BTG3: variants seen among roughly 807,000 people sequenced by gnomAD.
BTG3 encodes the protein BTG anti-proliferation factor 3.
In BTG3, 4 loss-of-function variants were observed where a neutral mutation model predicts 25.8. The ratio of observed to expected loss-of-function variants is 0.16; its 90% CI spans 0.08 to 0.36. BTG3 has a LOEUF of 0.36. Among genes scored for constraint, BTG3 ranks in the 10% least tolerant of loss-of-function variants. The pLI is 1.00. For missense variants in BTG3, 201 were observed against 304.9 expected, an observed-to-expected ratio of 0.66 and a Z score of 2.54; for synonymous variants, 107 against 99.9, an observed-to-expected ratio of 1.07 and a Z score of -0.42.
rs1413727407 is a variant in BTG3 at position 17,612,843 on chromosome 21, C to A, written c.-153G>T. 1.3e-5 allele frequency: 2 copies of A among 152,116 alleles called. No homozygotes were observed. The highest frequency in any genetic ancestry group is 1.3e-4 in the Admixed American group (2 of 15,280). The allele number at this position is 152,116 out of a possible 1,614,324, so 9.4% of individuals were successfully genotyped here. A position where few individuals can be genotyped will look rare whatever the true frequency, so the allele number is the denominator to read the frequency against. On this transcript the variant is annotated 5_prime_UTR_variant, in exon 1 of 5. Transcript: ENST00000348354. ...CGTCCGGCGCGTGCGGCTCCCGCGTCGTCGGGCGGCCAAGCGCGCGTTGAG... is the reference window on the plus strand; with the variant it reads ...CGTCCGGCGCGTGCGGCTCCCGCGTAGTCGGGCGGCCAAGCGCGCGTTGAG...
chr21:17,600,744 G>A (rs915251495), intron 3 of BTG3, among the ~76,000 whole-genome samples: 3 of 152,198 alleles, frequency 2.0e-5, no homozygotes, highest in Admixed American at 6.5e-5. Context: ...ATCACACATA[G>A]ATGAGTTCTA....
At chr21:17,601,384 C>G (rs890139401) in intron 3 of BTG3, among the ~76,000 whole-genome samples, 1 of 152,042 alleles carries the variant, frequency 6.6e-6, no homozygotes, top group Non-Finnish European at 1.5e-5. Flanking sequence ...AGAAGCTGGA[C>G]ATGGTAGCTT....
chr21:17,604,150 C>G, intron 3 of BTG3: 1 of 1,281,422 alleles, frequency 7.8e-7, no homozygotes. Flanking sequence ...CTTACATAAT[C>G]AAAAAGGAGG....
chr21:17,606,606 A>G (rs2061645982), intron 2 of BTG3, among the ~76,000 whole-genome samples: 1 of 150,146 alleles, frequency 6.7e-6, no homozygotes, highest in Admixed American at 6.6e-5. Context: ...CTAAGCTTAC[A>G]AATTATATAT....
At chr21:17,603,230 G>A (rs905469084) in intron 3 of BTG3, among the ~76,000 whole-genome samples, 4 of 152,176 alleles carry the variant, frequency 2.6e-5, no homozygotes, top group East Asian at 3.8e-4. Context: ...CACAGGTTCA[G>A]TGGCCAAAGT....
chr21:17,604,745 A>T (rs1017945132), intron 3 of BTG3, 115 bp downstream of exon 3: 3 of 1,277,046 alleles, frequency 2.3e-6, no homozygotes, highest in Non-Finnish European at 3.2e-6. Flanking sequence ...CATCTGAGAG[A>T]GTTAAACCAC....
chr21:17,611,571 A>T (rs2061724851), intron 1 of BTG3: 1 of 152,176 alleles, frequency 6.6e-6, no homozygotes. Context: ...AAAGAGGGAG[A>T]GTTACAGTCA....
At chr21:17,601,375 G>A (rs1569180438) in intron 3 of BTG3, among the ~76,000 whole-genome samples, 1 of 152,072 alleles carries the variant, frequency 6.6e-6, no homozygotes, top group Non-Finnish European at 1.5e-5. Flanking sequence ...TACCTAAACA[G>A]AAGCTGGACA....
intron 2 of BTG3, among the ~76,000 whole-genome samples, chr21:17,607,142 G>A (rs989559385): frequency 6.6e-6 from 1 of 152,090 alleles, no homozygotes; most frequent in African/African-American, 2.4e-5. Context: ...ACTCAGTAAT[G>A]ATACTTCTGA....
At chr21:17,600,650 GTC>G (rs2061560391) in intron 3 of BTG3, among the ~76,000 whole-genome samples, 1 of 151,802 alleles carries the variant, frequency 6.6e-6, no homozygotes, top group South Asian at 2.1e-4. Context: ...GTGAGACCCT[GTC>G]TCTCAAAAAA....
chr21:17,608,913 G>A (rs532697588), intron 2 of BTG3, 59 bp downstream of exon 2: 70 of 1,516,460 alleles, frequency 4.6e-5, no homozygotes, highest in Non-Finnish European at 5.1e-5. Context: ...TCAATCATCC[G>A]GCCTTGAACC....
chr21:17,603,126 G>A (rs934445415), intron 3 of BTG3, among the ~76,000 whole-genome samples: 1 of 152,136 alleles, frequency 6.6e-6, no homozygotes, highest in Non-Finnish European at 1.5e-5. Context: ...TTAAATAGGA[G>A]CCAACTAGGA....
intron 4 of BTG3, among the ~76,000 whole-genome samples, chr21:17,596,159 C>A (rs144054865): frequency 6.6e-6 from 1 of 151,552 alleles, no homozygotes; most frequent in Non-Finnish European, 1.5e-5. Context: ...GATTTGTGAG[C>A]GATTTTAAAA....
chr21:17,603,544 C>G (rs2061600180), intron 3 of BTG3, among the ~76,000 whole-genome samples: 1 of 152,162 alleles, frequency 6.6e-6, no homozygotes, highest in Admixed American at 6.5e-5. Flanking sequence ...GGAATCAGGT[C>G]AGTCTGCGAC....
intron 2 of BTG3, 50 bp downstream of exon 2, chr21:17,608,922 C>G (rs1425655656): frequency 6.4e-7 from 1 of 1,561,914 alleles, no homozygotes; most frequent in Non-Finnish European, 8.7e-7. Flanking sequence ...CGGCCTTGAA[C>G]CCACCTCAGG....
At chr21:17,597,523 G>A (rs1390023336) in intron 4 of BTG3, among the ~76,000 whole-genome samples, 2 of 151,956 alleles carry the variant, frequency 1.3e-5, no homozygotes, top group African/African-American at 4.8e-5. Flanking sequence ...GGTAATGAAT[G>A]TCTCTGTGGA....
intron 4 of BTG3, among the ~76,000 whole-genome samples, chr21:17,595,983 T>C (rs1420201594): frequency 6.6e-6 from 1 of 152,030 alleles, no homozygotes; most frequent in Non-Finnish European, 1.5e-5. Context: ...GAAGAACTAG[T>C]GTTTCATATG....
At chr21:17,605,068 A>G in intron 2 of BTG3, 71 bp from the exon 3 acceptor site, 1 of 1,526,846 alleles carries the variant, frequency 6.5e-7, no homozygotes, top group East Asian at 2.3e-5. Flanking sequence ...ATCTATTCAT[A>G]CTTGCCAAGG....
Position 17,594,053 on chromosome 21 carries a change from C to A in BTG3, c.*40G>T. ...TTAATGTGTAGTAAGGTTTATTCTACCTTTTTCTCAACATGACACCAACAC... is the reference window on the plus strand; with the variant it reads ...TTAATGTGTAGTAAGGTTTATTCTAACTTTTTCTCAACATGACACCAACAC... On this transcript the variant is annotated 3_prime_UTR_variant, in exon 5 of 5. Coordinates refer to ENST00000348354, the MANE Select transcript of BTG3 (RefSeq NM_006806.5). The A allele has an allele frequency of 6.3e-7, 1 of 1,596,742 alleles. No individual in the cohort carries two copies. Among genetic ancestry groups the A allele is most frequent in the Non-Finnish European group, 8.5e-7 (1 of 1,171,188 alleles).
Sources: gnomAD v4.1 joint callset for allele counts (sites outside exome capture counted in the v4.1 genomes callset) on GRCh38, gnomAD v4.1.1 for gene constraint, MANE v1.5 for transcripts, NCBI Gene and HGNC (gene_info 2026-07-23, HGNC 2026-07-21) for gene names.